The following TMTC1 variants were observed in gnomAD, a reference collection of about 807,000 sequenced individuals.
The protein encoded by TMTC1 is transmembrane O-mannosyltransferase targeting cadherins 1.
TMTC1 carries 73 observed loss-of-function variants against 104.8 expected under a neutral mutation model. That is an observed-to-expected ratio of 0.70 (90% CI 0.58 to 0.85). The LOEUF (loss-of-function observed/expected upper bound fraction) is 0.85. Ranked by LOEUF, TMTC1 falls within the 40% of genes least tolerant of loss-of-function variation. TMTC1 has a pLI of 0.00. For missense variants in TMTC1, 1,035 were observed against 1,096.1 expected (o/e 0.94, Z 0.79); for synonymous variants, 434 against 428.7 (o/e 1.01, Z -0.15).
intron 1 of TMTC1, among the ~76,000 whole-genome samples, chr12:29,779,381 C>T (rs1389270034): frequency 6.6e-6 from 1 of 152,218 alleles, no homozygotes; most frequent in Non-Finnish European, 1.5e-5. Flanking sequence ...AGTGCAAAGC[C>T]ACCACATCTT....
At chr12:29,537,732 C>T (rs1209292316) in intron 10 of TMTC1, among the ~76,000 whole-genome samples, 1 of 152,154 alleles carries the variant, frequency 6.6e-6, no homozygotes, top group Non-Finnish European at 1.5e-5. Flanking sequence ...GACCGTAGCT[C>T]CTGATACAAT....
At chr12:29,682,958 G>A (rs558845807) in intron 5 of TMTC1, among the ~76,000 whole-genome samples, 123 of 152,314 alleles carry the variant, frequency 8.1e-4, no homozygotes, top group African/African-American at 2.7e-3. Flanking sequence ...ACCATTGGAA[G>A]CAACTGAACA....
chr12:29,703,350 T>C (rs1183800584), intron 5 of TMTC1, among the ~76,000 whole-genome samples: 1 of 152,192 alleles, frequency 6.6e-6, no homozygotes, highest in Non-Finnish European at 1.5e-5. Context: ...TTTGAATTGA[T>C]GAAGCTCAGA....
intron 5 of TMTC1, among the ~76,000 whole-genome samples, chr12:29,650,111 T>A (rs1939446876): frequency 6.6e-6 from 1 of 150,418 alleles, no homozygotes; most frequent in Admixed American, 6.7e-5. Flanking sequence ...CTTTGAGGAG[T>A]CTCGGTCTGT....
chr12:29,529,204 A>G (rs1249306984), intron 11 of TMTC1, among the ~76,000 whole-genome samples: 1 of 152,230 alleles, frequency 6.6e-6, no homozygotes, highest in Non-Finnish European at 1.5e-5. Context: ...ACTTCTTAGT[A>G]CTATTAGGAA....
At chr12:29,760,413 T>C (rs956028810) in intron 2 of TMTC1, among the ~76,000 whole-genome samples, 1 of 152,164 alleles carries the variant, frequency 6.6e-6, no homozygotes, top group Non-Finnish European at 1.5e-5. Flanking sequence ...GCAAGAAATA[T>C]CAAAAATATC....
intron 2 of TMTC1, 121 bp downstream of exon 2, chr12:29,767,777 C>A: frequency 1.1e-6 from 1 of 895,822 alleles, no homozygotes; most frequent in Non-Finnish European, 1.6e-6. Flanking sequence ...TATCTATATA[C>A]ACACACATAT....
chr12:29,575,174 T>C (rs1377905626), intron 8 of TMTC1, among the ~76,000 whole-genome samples: 1 of 152,224 alleles, frequency 6.6e-6, no homozygotes, highest in Non-Finnish European at 1.5e-5. Flanking sequence ...TTCCCTCACC[T>C]GAAGGAAGGT....
At chr12:29,516,608 T>C in intron 14 of TMTC1, 122 bp from the exon 15 acceptor site, 2 of 1,197,686 alleles carry the variant, frequency 1.7e-6, no homozygotes, top group Non-Finnish European at 2.2e-6. Context: ...ATTTAGTGAC[T>C]CATAGAGAAG....
intron 5 of TMTC1, among the ~76,000 whole-genome samples, chr12:29,730,581 TC>T (rs1942520519): frequency 6.6e-6 from 1 of 152,166 alleles, no homozygotes; most frequent in Admixed American, 6.5e-5. Context: ...TTTAGAACCA[TC>T]CCTGAGAAGG....
chr12:29,623,795 A>G (rs1937809506), intron 6 of TMTC1, among the ~76,000 whole-genome samples: 1 of 151,270 alleles, frequency 6.6e-6, no homozygotes, highest in Non-Finnish European at 1.5e-5. Context: ...CCTGGACGAC[A>G]GAGCAAGACT....
chr12:29,612,204 A>C (rs1010157436), intron 6 of TMTC1, among the ~76,000 whole-genome samples: 3 of 152,102 alleles, frequency 2.0e-5, no homozygotes, highest in Non-Finnish European at 2.9e-5. Context: ...TGTCCCAGAA[A>C]CTGGAGGTGG....
intron 8 of TMTC1, among the ~76,000 whole-genome samples, chr12:29,580,893 T>C (rs947119233): frequency 1.2e-4 from 19 of 152,158 alleles, no homozygotes; most frequent in African/African-American, 4.3e-4. Context: ...AGCTCCTCTA[T>C]GCACATTCTC....
chr12:29,550,933 CAAAAAA>C (rs200605964), intron 10 of TMTC1, among the ~76,000 whole-genome samples: 36 of 108,244 alleles, frequency 3.3e-4, no homozygotes, highest in African/African-American at 1.3e-3. Context: ...GACTCCATCT[CAAAAAA>C]AAAAAAAAAA....
intron 7 of TMTC1, among the ~76,000 whole-genome samples, chr12:29,595,313 A>G (rs537381231): frequency 6.6e-6 from 1 of 152,300 alleles, no homozygotes; most frequent in East Asian, 1.9e-4. Context: ...AGCACAACAC[A>G]TTGGCCAGTG....
intron 4 of TMTC1, 67 bp from the exon 5 acceptor site, chr12:29,751,939 C>T: frequency 7.1e-7 from 1 of 1,400,046 alleles, no homozygotes; most frequent in East Asian, 2.5e-5. Flanking sequence ...CAACCGATAG[C>T]AGTAAACTGC....
At chr12:29,713,314 C>T (rs1027799996) in intron 5 of TMTC1, among the ~76,000 whole-genome samples, 4 of 148,806 alleles carry the variant, frequency 2.7e-5, no homozygotes, top group Admixed American at 2.7e-4. Context: ...CACACACACA[C>T]ACACACACAC....
intron 6 of TMTC1, among the ~76,000 whole-genome samples, chr12:29,629,565 A>T (rs1055223088): frequency 1.3e-5 from 2 of 152,220 alleles, no homozygotes; most frequent in African/African-American, 4.8e-5. Context: ...GGCTGAGGCC[A>T]GTCTCAGACA....
At chr12:29,548,861 A>C (rs1033326529) in intron 10 of TMTC1, among the ~76,000 whole-genome samples, 2 of 84,606 alleles carry the variant, frequency 2.4e-5, no homozygotes, top group African/African-American at 4.1e-5. Flanking sequence ...ATAATATATA[A>C]ATATATAAAT....
Sources: gnomAD v4.1 joint callset for allele counts (sites outside exome capture counted in the v4.1 genomes callset) on GRCh38, gnomAD v4.1.1 for gene constraint, MANE v1.5 for transcripts, NCBI Gene and HGNC (gene_info 2026-07-23, HGNC 2026-07-21) for gene names.